The following EPPK1 variants were observed in gnomAD, a reference collection of about 807,000 sequenced individuals.
EPPK1 encodes the protein epiplakin.
For synonymous variants in EPPK1, 1,862 were observed against 1,721.2 expected (o/e 1.08, Z -2.03); for missense variants, 3,823 against 3,673.3 (o/e 1.04, Z -1.05).
In EPPK1 at chr8:143,857,978, G is replaced by A; in HGVS notation, c.*9C>T. The A allele has an allele frequency of 1.9e-6, 3 of 1,564,806 alleles. No homozygotes were observed. Among genetic ancestry groups the A allele is most frequent in the African/African-American group, 1.4e-5 (1 of 73,262 alleles). Reference sequence around the variant, plus strand: ...CAGAGTTGCAGAAAACTGCACGGAGGAAGCCCAGTCACTGTAGAGAGAGAG... The same window carrying A: ...CAGAGTTGCAGAAAACTGCACGGAGAAAGCCCAGTCACTGTAGAGAGAGAG... On this transcript the variant is annotated 3_prime_UTR_variant, in exon 2 of 2. Transcript: ENST00000615648.
chr8:143,868,299 T>C lies in EPPK1; in HGVS notation c.4955A>G (p.Tyr1652Cys), dbSNP rs782002736. ...CTGCTGCCCGGTATAGGGGTCGGTG[T>C]AGCCGGTGACGGCGCGCTCGGCCGA... The part of the protein sequence containing the change: ...LLSAERAVTG[Y>C]TDPYTGQQIS... The change falls in exon 2 of 2, where the codon TAC becomes TGC. Residue 1652 changes from tyrosine (Y) to cysteine (C), a missense_variant. Transcript: ENST00000615648. 2.5e-6 allele frequency: 4 copies of C among 1,613,030 alleles called. No homozygotes were observed. The highest frequency in any genetic ancestry group is 3.4e-6 in the Non-Finnish European group (4 of 1,180,016).
Position 143,858,093 on chromosome 8 carries a change from A to C in EPPK1, c.15161T>G (p.Phe5054Cys), listed in dbSNP as rs1554657976. ...GTTCTCGTGCGTGTTGGGGTCGAAGAAGCCCTTGGTGTCGTCGCTGGGGTC... is the reference window on the plus strand; with the variant it reads ...GTTCTCGTGCGTGTTGGGGTCGAAGCAGCCCTTGGTGTCGTCGCTGGGGTC... ...LADPSDDTKG[F>C]FDPNTHENLT... Residue 5054 changes from phenylalanine to cysteine, a missense_variant, in exon 2 of 2, where the codon TTC (phenylalanine) becomes TGC (cysteine). By Grantham distance (205) the Phe-to-Cys change is radical. Transcript: ENST00000615648. 7 of 1,613,526 alleles carry C rather than the reference A, an allele frequency of 4.3e-6. No individual in the cohort carries two copies. Among genetic ancestry groups the C allele is most frequent in the Admixed American group, 1.7e-5 (1 of 60,034 alleles).
intron 1 of EPPK1, among the ~76,000 whole-genome samples, chr8:143,876,348 G>C (rs1252684873): frequency 6.6e-6 from 1 of 152,214 alleles, no homozygotes; most frequent in Non-Finnish European, 1.5e-5. Flanking sequence ...CCAGTCTGGA[G>C]GACGGGGAGG....
rs781870000 is a variant in EPPK1 at position 143,869,112 on chromosome 8, C to G, written c.4142G>C (p.Arg1381Thr). 3.7e-6 allele frequency: 6 copies of G among 1,606,516 alleles called. No individual in the cohort carries two copies. In the East Asian group the frequency reaches 1.3e-4, roughly 36 times the overall value. The change falls in exon 2 of 2, where the codon AGA becomes ACA. Residue 1381 changes from arginine (R) to threonine (T), a missense_variant. Physicochemically the swap from Arg to Thr is moderately conservative, Grantham distance 71. Transcript: ENST00000615648. The stretch of plus-strand genomic sequence containing the variant: ...CGTCTGTGTGTCCAGAAGGCCGAGT[C>G]TGCAGGCTGCCGCCTGGGGCAGGTG... ...GVHLPQAAAC[R>T]LGLLDTQTSQ...
In EPPK1 at chr8:143,866,891, T is replaced by C; in HGVS notation, c.6363A>G (p.Thr2121=). 1.9e-6 allele frequency: 3 copies of C among 1,613,142 alleles called. No individual in the cohort carries two copies. The highest frequency in any genetic ancestry group is 2.5e-6 in the Non-Finnish European group (3 of 1,179,876). Residue 2121 remains threonine (T), a synonymous_variant, in exon 2 of 2, where the codon ACA becomes ACG. Coordinates refer to ENST00000615648, the MANE Select transcript of EPPK1 (RefSeq NM_031308.4). ...TVGRFRGQKP[T]LWALLNSEYV... is the part of the protein sequence containing the mutation. Reference sequence around the variant, plus strand: ...ATTCGGAATTCAGTAGTGCCCACAGTGTTGGTTTCTGGCCTCTGAACCTTC... The same window carrying C: ...ATTCGGAATTCAGTAGTGCCCACAGCGTTGGTTTCTGGCCTCTGAACCTTC...
In EPPK1 at chr8:143,866,403, TCCA is replaced by T. The variant is rs1819107807; in HGVS notation, c.6848_6850del (p.Val2283del). 1.8e-6 allele frequency: 2 copies of T among 1,128,676 alleles called. No individual in the cohort carries two copies. The highest frequency in any genetic ancestry group is 2.4e-6 in the Non-Finnish European group (2 of 829,932). 69.9% of individuals were successfully genotyped at this position (1,128,676 alleles called of 1,614,324 possible). A position where few individuals can be genotyped will look rare whatever the true frequency, so the allele number is the denominator to read the frequency against. Reference sequence around the variant, plus strand: ...CACCACGCCCGCGGCCACGGCCTCCTCCACCGACAGCCTCAGGTTGCGCACGGG... The same window carrying T: ...CACCACGCCCGCGGCCACGGCCTCCTCCGACAGCCTCAGGTTGCGCACGGG... On this transcript the variant is annotated inframe_deletion, in exon 2 of 2. Transcript: ENST00000615648.
chr8:143,873,902 C>T (rs909843499), intron 1 of EPPK1, among the ~76,000 whole-genome samples: 7 of 152,184 alleles, frequency 4.6e-5, no homozygotes, highest in Non-Finnish European at 1.0e-4. Flanking sequence ...CCTCCACAGC[C>T]ATCCACCAGG....
chr8:143,866,993 C>T lies in EPPK1; in HGVS notation c.6261G>A (p.Lys2087=). The change falls in exon 2 of 2, where the codon AAG becomes AAA. Residue 2087 remains lysine, a synonymous_variant. Transcript: ENST00000615648. ...DTGWLLFPVN[K]AARDSEHIDD... is the part of the protein sequence containing the mutation. ...CGATGTGCTCGGAGTCCCGTGCAGC[C>T]TTGTTCACTGGGAACAGCAGCCAGC... is the stretch of plus-strand genomic sequence containing the variant. 10 of 1,612,882 alleles carry T rather than the reference C, an allele frequency of 6.2e-6. No individual in the cohort carries two copies. Among genetic ancestry groups the T allele is most frequent in the African/African-American group, 1.3e-5 (1 of 75,048 alleles).
chr8:143,868,155 G>A lies in EPPK1; in HGVS notation c.5099C>T (p.Pro1700Leu). 11 of 1,613,126 alleles carry A rather than the reference G, an allele frequency of 6.8e-6. No individual in the cohort carries two copies. The highest frequency in any genetic ancestry group is 7.6e-6 in the Non-Finnish European group (9 of 1,180,014). ...IIDPVHSHRV[P>L]VDVAYRCGYF... ...GCCGCAGCGGTAGGCCACGTCCACG[G>A]GCACGCGGTGGCTGTGCACGGGGTC... is the stretch of plus-strand genomic sequence containing the variant. Residue 1700 changes from proline to leucine, a missense_variant, in exon 2 of 2, where the codon CCC (proline) becomes CTC (leucine). Physicochemically the swap from Pro to Leu is moderately conservative, Grantham distance 98. Transcript: ENST00000615648.
rs782356945 is a variant in EPPK1, at chr8:143,871,324, G to A, written c.1930C>T (p.Leu644=). The A allele has an allele frequency of 2.5e-6, 4 of 1,611,898 alleles. No individual in the cohort carries two copies. In the East Asian group the frequency reaches 6.7e-5, roughly 27 times the overall value. Residue 644 remains leucine, a synonymous_variant, in exon 2 of 2, where the codon CTG becomes TTG. Coordinates refer to ENST00000615648, the MANE Select transcript of EPPK1 (RefSeq NM_031308.4). ...AAGCCTGTGGCAGCTTGTGCCTCCA[G>A]AAGGATGAGGGCAGTGCCGGGCCGG... ...LLRPGTALIL[L]EAQAATGFII... is the part of the protein sequence containing the mutation.
Position 143,871,500 on chromosome 8 carries a change from C to G in EPPK1, c.1754G>C (p.Arg585Pro). 1.2e-6 allele frequency: 2 copies of G among 1,609,698 alleles called. No individual in the cohort carries two copies. Among genetic ancestry groups the G allele is most frequent in the Non-Finnish European group, 1.7e-6 (2 of 1,178,832 alleles). ...AEIIDQDLYERLEHGQATAKD... is the reference protein window; with the variant it reads ...AEIIDQDLYEPLEHGQATAKD... Reference sequence around the variant, plus strand: ...GGCTGTGGCCTGTCCATGCTCCAGCCGCTCGTACAGGTCCTGGTCGATGAT... The same window carrying G: ...GGCTGTGGCCTGTCCATGCTCCAGCGGCTCGTACAGGTCCTGGTCGATGAT... Residue 585 changes from arginine to proline, a missense_variant, in exon 2 of 2, where the codon CGG (arginine) becomes CCG (proline). Physicochemically the swap from Arg to Pro is moderately radical, Grantham distance 103. Transcript: ENST00000615648.
rs1197819198 is a variant in EPPK1 at position 143,878,356 on chromosome 8, ACCCGCACCCGCCGCACCTG to A, written c.-46+63_-46+81del. On this transcript the variant is annotated intron_variant, in intron 1 of 1. Coordinates refer to ENST00000615648, the MANE Select transcript of EPPK1 (RefSeq NM_031308.4). ...CCGCCCCGCCCGGCCCCGAGCCCGCACCCGCACCCGCCGCACCTGCCCGCACCCGCCGCACCTGCCCGCA... is the reference window on the plus strand; with the variant it reads ...CCGCCCCGCCCGGCCCCGAGCCCGCACCCGCACCCGCCGCACCTGCCCGCA... The A allele has an allele frequency of 8.8e-3, 398 of 45,246 alleles. 3 individuals are homozygous for A. Among genetic ancestry groups the A allele is most frequent in the African/African-American group, 0.03 (296 of 9,882 alleles). 2.8% of individuals were successfully genotyped at this position (45,246 alleles called of 1,614,324 possible).
chr8:143,869,507 G>C lies in EPPK1; in HGVS notation c.3747C>G (p.Ala1249=). The C allele has an allele frequency of 6.5e-7, 1 of 1,547,750 alleles. No individual in the cohort carries two copies. Among genetic ancestry groups the C allele is most frequent in the South Asian group, 1.2e-5 (1 of 83,678 alleles). ...CCCCAGAGGGCTGTAGCAGCACACC[G>C]GCCACGCAGCCTGTGCCCCACAGGC... is the stretch of plus-strand genomic sequence containing the variant. ...KACLWGTGCV[A]GVLLQPSGAK... Residue 1249 remains alanine, a synonymous_variant, in exon 2 of 2, where the codon GCC becomes GCG. Coordinates refer to ENST00000615648, the MANE Select transcript of EPPK1 (RefSeq NM_031308.4).
chr8:143,868,471 T>G lies in EPPK1; in HGVS notation c.4783A>C (p.Ile1595Leu). ...MSIPEALRRH[I>L]LRPGTALVLL... ...ACCAGGGCTGTGCCAGGCCGCAGGA[T>G]GTGCCTCCTCAGGGCCTCTGGGATG... Residue 1595 changes from isoleucine to leucine, a missense_variant, in exon 2 of 2, where the codon ATC becomes CTC. Ile to Leu is a conservative substitution (Grantham distance 5, BLOSUM62 2). Coordinates refer to ENST00000615648, the MANE Select transcript of EPPK1 (RefSeq NM_031308.4). The G allele has an allele frequency of 1.2e-6, 2 of 1,612,350 alleles. No individual in the cohort carries two copies. The highest frequency in any genetic ancestry group is 1.7e-6 in the Non-Finnish European group (2 of 1,179,722).
rs782099242 is a variant in EPPK1 at position 143,857,715 on chromosome 8, A to G, written c.*272T>C. On this transcript the variant is annotated 3_prime_UTR_variant, in exon 2 of 2. Coordinates refer to ENST00000615648, the MANE Select transcript of EPPK1 (RefSeq NM_031308.4). The stretch of plus-strand genomic sequence containing the variant: ...AGCAGTGAATCCAAAACAGACAGAA[A>G]AATGTTCTGAAAACGAAAAAGGAGA... 8 of 405,088 alleles carry G rather than the reference A, an allele frequency of 2.0e-5. No individual in the cohort carries two copies. The highest frequency in any genetic ancestry group is 3.0e-5 in the Non-Finnish European group (7 of 230,308). 25.1% of individuals were successfully genotyped at this position (405,088 alleles called of 1,614,324 possible). A position where few individuals can be genotyped will look rare whatever the true frequency, so the allele number is the denominator to read the frequency against.
In EPPK1 at chr8:143,857,431, G is replaced by A. The variant is rs974010410; in HGVS notation, c.*556C>T. 1.3e-5 allele frequency: 2 copies of A among 152,934 alleles called. No homozygotes were observed. The highest frequency in any genetic ancestry group is 4.8e-5 in the African/African-American group (2 of 41,462). The allele number at this position is 152,934 out of a possible 1,614,324, so 9.5% of individuals were successfully genotyped here. A position where few individuals can be genotyped will look rare whatever the true frequency, so the allele number is the denominator to read the frequency against. On this transcript the variant is annotated 3_prime_UTR_variant, in exon 2 of 2. Transcript: ENST00000615648. Reference sequence around the variant, plus strand: ...AACGCTAGTGAGGTCACACCTCTAAGGTGGAGCAGCAGCCAATGGAGAGAA... The same window carrying A: ...AACGCTAGTGAGGTCACACCTCTAAAGTGGAGCAGCAGCCAATGGAGAGAA...
rs112136718 is a variant in EPPK1, at chr8:143,868,137, C to A, written c.5117G>T (p.Arg1706Leu). 2 of 1,613,104 alleles carry A rather than the reference C, an allele frequency of 1.2e-6. No individual in the cohort carries two copies. Among genetic ancestry groups the A allele is most frequent in the African/African-American group, 2.7e-5 (2 of 74,912 alleles). Reference protein sequence around the residue: ...SHRVPVDVAYRCGYFDEEMNR... With the variant: ...SHRVPVDVAYLCGYFDEEMNR... Reference sequence around the variant, plus strand: ...CATCTCCTCGTCGAAGTAGCCGCAGCGGTAGGCCACGTCCACGGGCACGCG... The same window carrying A: ...CATCTCCTCGTCGAAGTAGCCGCAGAGGTAGGCCACGTCCACGGGCACGCG... Residue 1706 changes from arginine (R) to leucine (L), a missense_variant, in exon 2 of 2, where the codon CGC (arginine) becomes CTC (leucine). By Grantham distance (102) the Arg-to-Leu change is moderately radical. Coordinates refer to ENST00000615648, the MANE Select transcript of EPPK1 (RefSeq NM_031308.4).
At position 143,867,879 on chromosome 8, in the gene EPPK1, T is replaced by C; in HGVS notation, c.5375A>G (p.Gln1792Arg). The change falls in exon 2 of 2, where the codon CAG (glutamine) becomes CGG (arginine). Residue 1792 changes from glutamine to arginine, a missense_variant. By Grantham distance (43) the Gln-to-Arg change is conservative. Coordinates refer to ENST00000615648, the MANE Select transcript of EPPK1 (RefSeq NM_031308.4). The part of the protein sequence containing the change: ...AKMRVGRFAD[Q>R]VVSFWDLLSS... ...CAGCAGGTCCCAGAAAGAGACCACC[T>C]GGTCAGCAAACCTCCCCACGCGCAT... 6.2e-7 allele frequency: 1 copy of C among 1,613,100 alleles called. No individual in the cohort carries two copies. Among genetic ancestry groups the C allele is most frequent in the Non-Finnish European group, 8.5e-7 (1 of 1,179,450 alleles).
chr8:143,871,836 C>G lies in EPPK1; in HGVS notation c.1418G>C (p.Arg473Pro). Reference sequence around the variant, plus strand: ...TGGGGGTCCCTGGGGCTCCCCTCCCCGGGGTCCCCCTGAGAGTGGCAGGAA... The same window carrying G: ...TGGGGGTCCCTGGGGCTCCCCTCCCGGGGGTCCCCCTGAGAGTGGCAGGAA... ...LAFLPLSGGPRGGEPQGPPFI... is the reference protein window; with the variant it reads ...LAFLPLSGGPPGGEPQGPPFI... Residue 473 changes from arginine (R) to proline (P), a missense_variant, in exon 2 of 2, where the codon CGG (arginine) becomes CCG (proline). Coordinates refer to ENST00000615648, the MANE Select transcript of EPPK1 (RefSeq NM_031308.4). 7 of 1,612,368 alleles carry G rather than the reference C, an allele frequency of 4.3e-6. No individual in the cohort carries two copies. The highest frequency in any genetic ancestry group is 5.9e-6 in the Non-Finnish European group (7 of 1,179,838).
Sources: gnomAD v4.1 joint callset for allele counts (sites outside exome capture counted in the v4.1 genomes callset) on GRCh38, gnomAD v4.1.1 for gene constraint, MANE v1.5 for transcripts, NCBI Gene and HGNC (gene_info 2026-07-23, HGNC 2026-07-21) for gene names.